The following INTS2 variants were observed in gnomAD, a reference collection of about 807,000 sequenced individuals.
INTS2 encodes the protein KIAA1287.
INTS2 carries 57 observed loss-of-function variants against 139.6 expected under a neutral mutation model. That is an observed-to-expected ratio of 0.41 (90% confidence interval 0.33 to 0.51). The LOEUF is 0.51. Ranked by LOEUF, INTS2 falls within the 20% of genes least tolerant of loss-of-function variation. The pLI is 0.28. For missense variants in INTS2, 1,196 were observed against 1,436.7 expected (o/e 0.83, Z 2.71); for synonymous variants, 473 against 493.4 (o/e 0.96, Z 0.55).
intron 3 of INTS2, among the ~76,000 whole-genome samples, chr17:61,923,668 G>A (rs887320424): frequency 6.0e-5 from 9 of 150,298 alleles, no homozygotes; most frequent in African/African-American, 2.2e-4. Context: ...TAATTTAGTG[G>A]GTTTTTGTGG....
chr17:61,867,502 C>A lies in INTS2; in HGVS notation c.*55G>T. On this transcript the variant is annotated 3_prime_UTR_variant, in exon 25 of 25. Transcript: ENST00000251334. This position sits in a 1 kb window ranked among gnomAD's most constrained non-coding sequence, Gnocchi z 5.6. ...TCAGTTTAGAGTTGTTACTAATATGCAGATTCATGTTGGGTATATGCAGCA... is the reference window on the plus strand; with the variant it reads ...TCAGTTTAGAGTTGTTACTAATATGAAGATTCATGTTGGGTATATGCAGCA... 1 of 1,077,534 alleles carries A rather than the reference C, an allele frequency of 9.3e-7. No homozygotes were observed. The highest frequency in any genetic ancestry group is 1.5e-5 in the South Asian group (1 of 67,032). The allele number at this position is 1,077,534 out of a possible 1,614,324, so 66.7% of individuals were successfully genotyped here. A position where few individuals can be genotyped will look rare whatever the true frequency, so the allele number is the denominator to read the frequency against.
At chr17:61,877,065 G>A (rs1603372906) in intron 18 of INTS2, among the ~76,000 whole-genome samples, 1 of 152,042 alleles carries the variant, frequency 6.6e-6, no homozygotes, top group African/African-American at 2.4e-5. Context: ...CAGGAAAAGG[G>A]GCAATGTGTA....
chr17:61,917,592 A>G (rs1456213142), intron 5 of INTS2, among the ~76,000 whole-genome samples: 1 of 152,196 alleles, frequency 6.6e-6, no homozygotes, highest in Non-Finnish European at 1.5e-5. Flanking sequence ...ACACATGGAC[A>G]TAAAGATGGG....
chr17:61,877,483 CACAA>C (rs1370771587), intron 18 of INTS2, among the ~76,000 whole-genome samples: 7 of 152,180 alleles, frequency 4.6e-5, no homozygotes, highest in Admixed American at 2.6e-4. Context: ...GACTCCCACC[CACAA>C]ACAGTCTGAT....
chr17:61,879,821 C>T (rs577778737), intron 17 of INTS2, among the ~76,000 whole-genome samples: 18 of 152,086 alleles, frequency 1.2e-4, no homozygotes, highest in African/African-American at 4.3e-4. Flanking sequence ...GAGTAGGCAA[C>T]AGAACAAGGC....
At position 61,914,466 on chromosome 17, in the gene INTS2, ACAG is replaced by A. The variant is rs1240077822; in HGVS notation, c.650-2399_650-2397del. On this transcript the variant is annotated intron_variant, in intron 5 of 24. Transcript: ENST00000251334. ...TATAATCCCAGCACTTTGGGAGGCC[ACAG>A]AGGGCGCATCACGAGGTCAGGAGAT... 1.1e-4 allele frequency among the ~76,000 whole-genome samples: 17 copies of A among 152,092 alleles called. No individual in the cohort carries two copies. The East Asian group carries it at 2.3e-3, about 21-fold the overall frequency.
At chr17:61,922,907 G>A (rs934553755) in intron 3 of INTS2, among the ~76,000 whole-genome samples, 1 of 151,452 alleles carries the variant, frequency 6.6e-6, no homozygotes, top group African/African-American at 2.4e-5. Context: ...GTGAAACCCC[G>A]TCTCTACTAA....
intron 4 of INTS2, among the ~76,000 whole-genome samples, chr17:61,919,992 C>T (rs2079622498): frequency 2.0e-5 from 3 of 152,072 alleles, no homozygotes; most frequent in Admixed American, 2.0e-4. Flanking sequence ...ACCAAGCTGT[C>T]CAGTAGGATA....
intron 17 of INTS2, among the ~76,000 whole-genome samples, chr17:61,879,389 C>G (rs2079157726): frequency 6.6e-6 from 1 of 152,084 alleles, no homozygotes; most frequent in Non-Finnish European, 1.5e-5. Flanking sequence ...GAACTATGCT[C>G]TCCAATAACA....
In INTS2 at chr17:61,881,042, T is replaced by C; in HGVS notation, c.2219A>G (p.Asn740Ser). The stretch of plus-strand genomic sequence containing the variant: ...TTGTTTGGGAGAATGATTTTTAGCA[T>C]TATTAGTCAGGAGCATTCGCCGTAG... Reference protein sequence around the residue: ...ALLRRMLLTNNAKNHSPKQLQ... With the variant: ...ALLRRMLLTNSAKNHSPKQLQ... Residue 740 changes from asparagine (N) to serine (S), a missense_variant, in exon 17 of 25, where the codon AAT (asparagine) becomes AGT (serine). Coordinates refer to ENST00000251334, the MANE Select transcript of INTS2 (RefSeq NM_001351695.2). The C allele has an allele frequency of 1.2e-6, 2 of 1,613,902 alleles. No individual in the cohort carries two copies. Among genetic ancestry groups the C allele is most frequent in the Non-Finnish European group, 1.7e-6 (2 of 1,179,800 alleles).
In INTS2 at chr17:61,873,976, G is replaced by A. The variant is rs976427175; in HGVS notation, c.2582+937C>T. Reference sequence around the variant, plus strand: ...TCCTCATTCTTGCTTCTAAACTTCTGCTCATACTACTCTTTTTCTCAAAGT... The same window carrying A: ...TCCTCATTCTTGCTTCTAAACTTCTACTCATACTACTCTTTTTCTCAAAGT... On this transcript the variant is annotated intron_variant, in intron 19 of 24. Coordinates refer to ENST00000251334, the MANE Select transcript of INTS2 (RefSeq NM_001351695.2). The surrounding 1 kb of genome is among the most constrained non-coding windows in gnomAD (Gnocchi z 4.0). 1 of 152,048 alleles carries A rather than the reference G, an allele frequency of 6.6e-6. No homozygotes were observed. Among genetic ancestry groups the A allele is most frequent in the Non-Finnish European group, 1.5e-5 (1 of 68,014 alleles). The allele number at this position is 152,048 out of a possible 1,614,324, so 9.4% of individuals were successfully genotyped here.
intron 15 of INTS2, among the ~76,000 whole-genome samples, chr17:61,886,845 G>A (rs1348498757): frequency 6.6e-6 from 1 of 152,180 alleles, no homozygotes; most frequent in Non-Finnish European, 1.5e-5. Flanking sequence ...AGGACAAGAA[G>A]TATGTAAGTG....
Position 61,868,070 on chromosome 17 carries a change from C to G in INTS2, c.3245-61G>C, listed in dbSNP as rs527489082. On this transcript the variant is annotated intron_variant, in intron 23 of 24. Coordinates refer to ENST00000251334, the MANE Select transcript of INTS2 (RefSeq NM_001351695.2). The surrounding 1 kb of genome is among the most constrained non-coding windows in gnomAD (Gnocchi z 4.7). ...AAATATAAATTCAACACAGCTTACA[C>G]AACATACTAAGGGGAACTATGCTCT... 7.5e-7 allele frequency: 1 copy of G among 1,331,410 alleles called. No individual in the cohort carries two copies. The highest frequency in any genetic ancestry group is 1.5e-5 in the African/African-American group (1 of 67,542). The allele number at this position is 1,331,410 out of a possible 1,614,324, so 82.5% of individuals were successfully genotyped here.
rs375246492 is a variant in INTS2, at chr17:61,919,525, C to A, written c.536-12G>T. ...CAAGGAAGGGAGCTCTACAAGAAAA[C>A]AAAGTCAGTGTTAGTCTTTGTTAAC... On this transcript the variant is annotated splice_polypyrimidine_tract_variant and intron_variant, in intron 4 of 24. Coordinates refer to ENST00000251334, the MANE Select transcript of INTS2 (RefSeq NM_001351695.2). 58 of 1,436,172 alleles carry A rather than the reference C, an allele frequency of 4.0e-5. No homozygotes were observed. The highest frequency in any genetic ancestry group is 5.5e-5 in the Non-Finnish European group (57 of 1,032,896). The allele number at this position is 1,436,172 out of a possible 1,614,324, so 89.0% of individuals were successfully genotyped here.
chr17:61,914,514 A>G (rs1051337682), intron 5 of INTS2, among the ~76,000 whole-genome samples: 2 of 152,122 alleles, frequency 1.3e-5, no homozygotes, highest in Admixed American at 6.5e-5. Context: ...CCTGGCTAAC[A>G]CGGTGAAACC....
At chr17:61,919,767 T>C (rs747845939) in intron 4 of INTS2, among the ~76,000 whole-genome samples, 4 of 152,102 alleles carry the variant, frequency 2.6e-5, no homozygotes, top group Non-Finnish European at 4.4e-5. Flanking sequence ...CTTGCTTTGT[T>C]GCCCAGGCTA....
At chr17:61,887,413 G>T (rs2079239836) in intron 15 of INTS2, among the ~76,000 whole-genome samples, 1 of 151,400 alleles carries the variant, frequency 6.6e-6, no homozygotes, top group South Asian at 2.1e-4. Context: ...AACCCGGGAG[G>T]TGGAGGTTGC....
Position 61,893,734 on chromosome 17 carries a change from C to A in INTS2, c.1698+31G>T. On this transcript the variant is annotated intron_variant, in intron 13 of 24. Coordinates refer to ENST00000251334, the MANE Select transcript of INTS2 (RefSeq NM_001351695.2). The surrounding 1 kb of genome is among the most constrained non-coding windows in gnomAD (Gnocchi z 5.4). ...ATATATATAAAAATGTAGGGGCATGCTTTTATTTTGTTTTATTTGTAGGGG... is the reference window on the plus strand; with the variant it reads ...ATATATATAAAAATGTAGGGGCATGATTTTATTTTGTTTTATTTGTAGGGG... The A allele has an allele frequency of 1.3e-6, 2 of 1,485,668 alleles. No individual in the cohort carries two copies. Among genetic ancestry groups the A allele is most frequent in the South Asian group, 3.0e-5 (2 of 67,424 alleles). The allele number at this position is 1,485,668 out of a possible 1,614,324, so 92.0% of individuals were successfully genotyped here. A position where few individuals can be genotyped will look rare whatever the true frequency, so the allele number is the denominator to read the frequency against.
rs748698616 is a variant in INTS2 at position 61,869,820 on chromosome 17, G to A, written c.2947C>T (p.Arg983Ter). ...EGEDNLLCNL[R>*]EVQCLICCLL... ...CAACAGATAAGGCACTGAACTTCTC[G>A]AAGGTTACAGAGCAAATTGTCTTCT... is the stretch of plus-strand genomic sequence containing the variant. The change falls in exon 21 of 25, where the codon CGA (arginine) becomes TGA (stop). Residue 983 changes from arginine to a stop codon, truncating the protein, a stop_gained. Transcript: ENST00000251334. LOFTEE classifies it high-confidence loss of function. This position sits in a 1 kb window ranked among gnomAD's most constrained non-coding sequence, Gnocchi z 5.4. 2 of 1,613,898 alleles carry A rather than the reference G, an allele frequency of 1.2e-6. No homozygotes were observed. Among genetic ancestry groups the A allele is most frequent in the Non-Finnish European group, 1.7e-6 (2 of 1,179,804 alleles).
Sources: allele counts gnomAD v4.1 joint callset (sites outside exome capture counted in the v4.1 genomes callset), GRCh38; gene constraint gnomAD v4.1.1; non-coding constraint Gnocchi (gnomAD v3.1); transcripts MANE v1.5; gene names NCBI Gene and HGNC (gene_info 2026-07-23, HGNC 2026-07-21).